SPG21: variants seen among roughly 807,000 people sequenced by gnomAD.
SPG21 encodes SPG21 abhydrolase domain containing, maspardin.
Under a neutral mutation model 38.9 loss-of-function variants are expected in SPG21, and 26 were observed. The ratio of observed to expected loss-of-function variants is 0.67; its 90% CI spans 0.49 to 0.93. SPG21 has a LOEUF of 0.93. Ranked by LOEUF, SPG21 falls within the 40% of genes least tolerant of loss-of-function variation. SPG21 has a pLI of 0.00. For missense variants in SPG21, 333 were observed against 376.5 expected (o/e 0.88, Z 0.96); for synonymous variants, 136 against 128.9 (o/e 1.05, Z -0.37).
intron 8 of SPG21, 84 bp from the exon 9 acceptor site, chr15:64,963,820 T>C: frequency 2.3e-6 from 3 of 1,276,808 alleles, no homozygotes; most frequent in South Asian, 2.4e-5. Flanking sequence ...GCAGTGGCAC[T>C]ATCTTGGTTC....
intron 5 of SPG21, among the ~76,000 whole-genome samples, chr15:64,971,945 T>G (rs771281206): frequency 2.0e-5 from 3 of 152,232 alleles, no homozygotes; most frequent in Non-Finnish European, 4.4e-5. Context: ...GTGCTGGGAT[T>G]ACAGGTGTGA....
At chr15:64,988,052 A>T (rs1285356212) in intron 1 of SPG21, among the ~76,000 whole-genome samples, 1 of 151,726 alleles carries the variant, frequency 6.6e-6, no homozygotes, top group African/African-American at 2.4e-5. Flanking sequence ...CAAACAAAAC[A>T]GCAACAACAA....
intron 1 of SPG21, among the ~76,000 whole-genome samples, chr15:64,985,195 A>G (rs1470264660): frequency 6.6e-6 from 1 of 152,248 alleles, no homozygotes; most frequent in African/African-American, 2.4e-5. Flanking sequence ...CCCTTAGGAA[A>G]AAATGTGTAG....
chr15:64,973,818 T>C (rs1008089827), intron 5 of SPG21, among the ~76,000 whole-genome samples: 3 of 152,202 alleles, frequency 2.0e-5, no homozygotes, highest in African/African-American at 4.8e-5. Context: ...AGAACATCTG[T>C]TGACAGACCA....
chr15:64,978,243 T>C (rs1489704643), intron 3 of SPG21, among the ~76,000 whole-genome samples: 1 of 151,122 alleles, frequency 6.6e-6, no homozygotes, highest in African/African-American at 2.4e-5. Flanking sequence ...AGGTCAGGAG[T>C]TCGAGACCAG....
chr15:64,972,724 C>T (rs1259293383), intron 5 of SPG21, among the ~76,000 whole-genome samples: 3 of 152,154 alleles, frequency 2.0e-5, no homozygotes, highest in Non-Finnish European at 1.5e-5. Flanking sequence ...CCCAGCTATT[C>T]GGGAGGCTGA....
At position 64,969,191 on chromosome 15, in the gene SPG21, T is replaced by C. The variant is rs2085609597; in HGVS notation, c.669+64A>G. The C allele has an allele frequency of 1.2e-5, 14 of 1,126,242 alleles. 1 individual carries two copies. The highest frequency in any genetic ancestry group is 9.2e-5 in the African/African-American group (6 of 65,242). 69.8% of individuals were successfully genotyped at this position (1,126,242 alleles called of 1,614,324 possible). A position where few individuals can be genotyped will look rare whatever the true frequency, so the allele number is the denominator to read the frequency against. The stretch of plus-strand genomic sequence containing the variant: ...CATTGAAAGTTATCAAATAGTTTTA[T>C]AGGAGATCTTGACATACACATTTTA... On this transcript the variant is annotated intron_variant, in intron 7 of 8. Transcript: ENST00000204566.
intron 3 of SPG21, among the ~76,000 whole-genome samples, chr15:64,980,530 A>C (rs560294934): frequency 1.1e-4 from 17 of 152,136 alleles, no homozygotes; most frequent in Non-Finnish European, 2.4e-4. Context: ...TGAGGTCAGG[A>C]GTTCGAGACC....
intron 7 of SPG21, among the ~76,000 whole-genome samples, chr15:64,968,706 C>T (rs906250800): frequency 6.6e-6 from 1 of 151,994 alleles, no homozygotes; most frequent in Non-Finnish European, 1.5e-5. Flanking sequence ...CATTTTACCA[C>T]AATAAAAAAA....
intron 6 of SPG21, 112 bp downstream of exon 6, chr15:64,970,002 G>A: frequency 1.1e-6 from 1 of 918,782 alleles, no homozygotes; most frequent in Non-Finnish European, 1.8e-6. Context: ...GTATTACTCT[G>A]CTTAGCAAAT....
At chr15:64,985,606 C>G (rs1167185156) in intron 1 of SPG21, among the ~76,000 whole-genome samples, 2 of 152,234 alleles carry the variant, frequency 1.3e-5, no homozygotes, top group Non-Finnish European at 2.9e-5. Context: ...TCCTCTACCT[C>G]AAGAGCAAGC....
intron 7 of SPG21, among the ~76,000 whole-genome samples, chr15:64,967,470 C>CTTTTTTT (rs34545889): frequency 7.0e-6 from 1 of 143,844 alleles, no homozygotes. Flanking sequence ...GCTAATTTTC[C>CTTTTTTT]TTTTTTTTTT....
Position 64,974,652 on chromosome 15 carries a change from G to A in SPG21, c.402C>T (p.Cys134=), listed in dbSNP as rs1406226782. The change falls in exon 5 of 9, where the codon TGC becomes TGT. Residue 134 remains cysteine (C), a synonymous_variant. Coordinates refer to ENST00000204566, the MANE Select transcript of SPG21 (RefSeq NM_016630.7). The part of the protein sequence containing the change: ...KSPRVHSLIL[C]NSFSDTSIFN... ...AGATAGAGGTGTCACTGAAGGAATT[G>A]CAGAGGATTAGGGAATGGACTCTAG... 2.5e-6 allele frequency: 4 copies of A among 1,614,096 alleles called. No homozygotes were observed. Among genetic ancestry groups the A allele is most frequent in the African/African-American group, 1.3e-5 (1 of 74,930 alleles).
chr15:64,966,344 A>G (rs1424085851), intron 7 of SPG21, among the ~76,000 whole-genome samples: 1 of 152,228 alleles, frequency 6.6e-6, no homozygotes, highest in African/African-American at 2.4e-5. Context: ...AAAAAATTGT[A>G]TACTAAATAT....
intron 2 of SPG21, among the ~76,000 whole-genome samples, chr15:64,982,302 G>A (rs759742970): frequency 5.9e-5 from 9 of 151,814 alleles, no homozygotes; most frequent in African/African-American, 1.7e-4. Flanking sequence ...GCACCAACAC[G>A]CCCAGTTAAT....
chr15:64,966,449 A>C (rs1388109344), intron 7 of SPG21, among the ~76,000 whole-genome samples: 2 of 152,218 alleles, frequency 1.3e-5, no homozygotes, highest in African/African-American at 2.4e-5. Context: ...ACAGCTTTGA[A>C]AGAAGGGCAG....
intron 3 of SPG21, among the ~76,000 whole-genome samples, chr15:64,977,354 T>G (rs1366819223): frequency 6.6e-6 from 1 of 151,126 alleles, no homozygotes; most frequent in African/African-American, 2.4e-5. Context: ...CGTGAGTCAC[T>G]CCACCCAGCT....
chr15:64,976,111 T>C (rs2085766920), intron 4 of SPG21, among the ~76,000 whole-genome samples: 1 of 152,218 alleles, frequency 6.6e-6, no homozygotes. Flanking sequence ...TGAATTATGT[T>C]GCAATAAAGC....
At chr15:64,975,967 C>T (rs2085764512) in intron 4 of SPG21, among the ~76,000 whole-genome samples, 1 of 151,644 alleles carries the variant, frequency 6.6e-6, no homozygotes, top group Admixed American at 6.6e-5. Context: ...AGATGAGGAC[C>T]GACTGCTAAT....
Sources: allele counts gnomAD v4.1 joint callset (sites outside exome capture counted in the v4.1 genomes callset), GRCh38; gene constraint gnomAD v4.1.1; transcripts MANE v1.5; gene names NCBI Gene and HGNC (gene_info 2026-07-23, HGNC 2026-07-21).